The following SGCG variants were observed in gnomAD, a reference collection of about 807,000 sequenced individuals.
SGCG encodes the protein sarcoglycan gamma.
SGCG carries 26 observed loss-of-function variants against 29.3 expected under a neutral mutation model. The ratio of observed to expected loss-of-function variants is 0.89; its 90% confidence interval spans 0.65 to 1.23. The LOEUF (loss-of-function observed/expected upper bound fraction) is 1.23, where lower values mean the gene tolerates loss of function less well. Among genes scored for constraint, SGCG ranks in the 50% most tolerant of loss-of-function variants. The probability of loss-of-function intolerance (pLI) is 0.00; values close to 1 mark genes in which losing one functional copy is unlikely to be tolerated. For synonymous variants in SGCG, 145 were observed against 129.7 expected (o/e 1.12, Z -0.80); for missense variants, 353 against 356.0 (o/e 0.99, Z 0.07).
intron 4 of SGCG, among the ~76,000 whole-genome samples, chr13:23,277,928 G>A (rs888326991): frequency 1.3e-5 from 2 of 151,906 alleles, no homozygotes; most frequent in African/African-American, 4.8e-5. Context: ...TCGATCTCCT[G>A]ACCTCATGAT....
At chr13:23,320,788 A>C in intron 7 of SGCG, 28 bp downstream of exon 7, 2 of 1,605,696 alleles carry the variant, frequency 1.2e-6, no homozygotes, top group Non-Finnish European at 1.7e-6. Context: ...TCAGCCTCCT[A>C]CTGTATGTCC....
At chr13:23,277,834 G>T (rs867737963) in intron 4 of SGCG, among the ~76,000 whole-genome samples, 1 of 151,800 alleles carries the variant, frequency 6.6e-6, no homozygotes, top group Non-Finnish European at 1.5e-5. Context: ...GAGTAGTTGG[G>T]ACTACAGATG....
intron 5 of SGCG, among the ~76,000 whole-genome samples, chr13:23,283,986 A>G (rs1005800285): frequency 5.3e-5 from 8 of 152,316 alleles, no homozygotes; most frequent in African/African-American, 1.9e-4. Context: ...TGTTAGTCTG[A>G]TGGGCTTCCC....
intron 1 of SGCG, among the ~76,000 whole-genome samples, chr13:23,192,380 T>A (rs1877307013): frequency 6.6e-6 from 1 of 152,036 alleles, no homozygotes; most frequent in African/African-American, 2.4e-5. Flanking sequence ...TTATTTTGTT[T>A]TGTTTTATTT....
At chr13:23,320,596 A>AATT in intron 6 of SGCG, 41 bp from the exon 7 acceptor site, 2 of 1,323,512 alleles carry the variant, frequency 1.5e-6, no homozygotes, top group Non-Finnish European at 2.1e-6. Flanking sequence ...TATTTTTAAT[A>AATT]CTTTTTTTTT....
intron 6 of SGCG, among the ~76,000 whole-genome samples, chr13:23,306,786 G>C (rs1016788252): frequency 3.3e-5 from 5 of 151,760 alleles, no homozygotes; most frequent in Non-Finnish European, 5.9e-5. Flanking sequence ...CAAAATGTCA[G>C]AAAAAAAAGT....
chr13:23,240,176 TA>T (rs1168577480), intron 3 of SGCG, among the ~76,000 whole-genome samples: 1 of 152,180 alleles, frequency 6.6e-6, no homozygotes, highest in African/African-American at 2.4e-5. Context: ...GGAGTGACTA[TA>T]TTAAAACAGA....
chr13:23,320,567 G>A (rs1273394290), intron 6 of SGCG, 70 bp from the exon 7 acceptor site: 13 of 1,320,690 alleles, frequency 9.8e-6, no homozygotes, highest in African/African-American at 2.9e-5. Flanking sequence ...ATGCTAAGTT[G>A]AGGGATTGCT....
At chr13:23,274,690 G>A (rs1357869522) in intron 4 of SGCG, among the ~76,000 whole-genome samples, 1 of 152,082 alleles carries the variant, frequency 6.6e-6, no homozygotes, top group African/African-American at 2.4e-5. Flanking sequence ...CCAAAGTGCT[G>A]GGATTATGGG....
intron 1 of SGCG, among the ~76,000 whole-genome samples, chr13:23,199,652 T>C (rs1383583825): frequency 6.6e-6 from 1 of 152,210 alleles, no homozygotes; most frequent in Non-Finnish European, 1.5e-5. Flanking sequence ...GACTTTTTTA[T>C]GCAATGCAGT....
At chr13:23,226,907 T>C (rs956247108) in intron 2 of SGCG, among the ~76,000 whole-genome samples, 3 of 152,186 alleles carry the variant, frequency 2.0e-5, no homozygotes, top group Non-Finnish European at 4.4e-5. Flanking sequence ...TTTGAGGATA[T>C]TTTTCCTTTT....
chr13:23,306,468 C>G (rs1025441499), intron 6 of SGCG, among the ~76,000 whole-genome samples: 1 of 152,096 alleles, frequency 6.6e-6, no homozygotes, highest in Non-Finnish European at 1.5e-5. Flanking sequence ...AAGTTTTTAA[C>G]TGTATTTGTG....
At chr13:23,210,907 T>C (rs918362887) in intron 2 of SGCG, among the ~76,000 whole-genome samples, 9 of 150,854 alleles carry the variant, frequency 6.0e-5, no homozygotes, top group African/African-American at 2.2e-4. Flanking sequence ...TACACAGACT[T>C]GTTGTCCTTG....
At chr13:23,229,692 C>G (rs1304442001) in intron 2 of SGCG, among the ~76,000 whole-genome samples, 1 of 152,116 alleles carries the variant, frequency 6.6e-6, no homozygotes, top group Non-Finnish European at 1.5e-5. Flanking sequence ...AGACTCTTGT[C>G]AGATGTAAAG....
At position 23,250,054 on chromosome 13, in the gene SGCG, C is replaced by T. The variant is rs536742401; in HGVS notation, c.298-576C>T. Among the ~76,000 whole-genome samples, 27 of 152,106 alleles carry T rather than the reference C, an allele frequency of 1.8e-4. No individual in the cohort carries two copies. In the South Asian group the frequency reaches 3.7e-3, roughly 21 times the overall value. ...TATTTTTCTTTCTGTTCTCTGATGTCGATTTTATTGTGTATTTTCTAATGT... is the reference window on the plus strand; with the variant it reads ...TATTTTTCTTTCTGTTCTCTGATGTTGATTTTATTGTGTATTTTCTAATGT... On this transcript the variant is annotated intron_variant, in intron 3 of 7. Transcript: ENST00000218867.
At position 23,237,158 on chromosome 13, in the gene SGCG, C is replaced by T. The variant is rs1019821793; in HGVS notation, c.297+2446C>T. On this transcript the variant is annotated intron_variant, in intron 3 of 7. Coordinates refer to ENST00000218867, the MANE Select transcript of SGCG (RefSeq NM_000231.3). ...GCTACTCTGGCCTCTAACATCTGAT[C>T]ACCCAGTAACCCCTCAAAAGTAATA... 2.6e-5 allele frequency among the ~76,000 whole-genome samples: 4 copies of T among 152,156 alleles called. No homozygotes were observed. The East Asian group carries it at 7.7e-4, about 29-fold the overall frequency.
chr13:23,278,723 T>C (rs1048265132), intron 4 of SGCG, among the ~76,000 whole-genome samples: 1 of 152,144 alleles, frequency 6.6e-6, no homozygotes, highest in Non-Finnish European at 1.5e-5. Context: ...ATGAAAGAGC[T>C]GGAAGGCAAT....
chr13:23,306,620 T>TA (rs1345778121), intron 6 of SGCG, among the ~76,000 whole-genome samples: 2 of 152,250 alleles, frequency 1.3e-5, no homozygotes, highest in African/African-American at 4.8e-5. Flanking sequence ...ATCACATCCT[T>TA]AGTTCCAAGT....
chr13:23,235,231 T>C (rs151312767), intron 3 of SGCG, among the ~76,000 whole-genome samples: 2,650 of 152,204 alleles, frequency 0.017, 68 homozygotes, highest in African/African-American at 0.061. Context: ...TGGTGGCGTA[T>C]GCCTGTAATC....
Sources: allele counts gnomAD v4.1 joint callset (sites outside exome capture counted in the v4.1 genomes callset), GRCh38; gene constraint gnomAD v4.1.1; transcripts MANE v1.5; gene names NCBI Gene and HGNC (gene_info 2026-07-23, HGNC 2026-07-21).